The following CSMD1 variants were observed in gnomAD, a reference collection of about 807,000 sequenced individuals.
The protein encoded by CSMD1 is CUB and Sushi multiple domains 1, also known as CUB and sushi domain-containing protein 1.
A neutral mutation model predicts 417.5 loss-of-function variants in CSMD1; 213 were observed. That is an observed-to-expected ratio of 0.51 (90% CI 0.46 to 0.57). CSMD1 has a LOEUF of 0.57. CSMD1 is among the 20% of genes least tolerant of loss of function. The pLI is 0.00. For synonymous variants in CSMD1, 2,862 were observed against 1,736.8 expected, an observed-to-expected ratio of 1.65 and a Z score of -16.11; for missense variants, 6,923 against 4,529.7, an observed-to-expected ratio of 1.53 and a Z score of -15.17.
chr8:4,720,317 A>C (rs1025943466), intron 1 of CSMD1, among the ~76,000 whole-genome samples: 11 of 152,140 alleles, frequency 7.2e-5, no homozygotes, highest in Non-Finnish European at 1.3e-4. Context: ...TTCTTCTCAA[A>C]ATCTATTGCA....
intron 1 of CSMD1, among the ~76,000 whole-genome samples, chr8:4,977,945 T>G (rs767997037): frequency 6.6e-6 from 1 of 152,186 alleles, no homozygotes; most frequent in Non-Finnish European, 1.5e-5. Context: ...ACAAGCTATT[T>G]GTTGCTGAGG....
chr8:3,294,244 C>A (rs571386043), intron 25 of CSMD1, among the ~76,000 whole-genome samples: 7 of 151,520 alleles, frequency 4.6e-5, no homozygotes, highest in Admixed American at 1.3e-4. Flanking sequence ...CTGGGGGGTG[C>A]CTCCCAGTTA....
intron 1 of CSMD1, among the ~76,000 whole-genome samples, chr8:4,939,043 C>G (rs1322785826): frequency 3.3e-5 from 5 of 152,244 alleles, no homozygotes; most frequent in Admixed American, 1.3e-4. Flanking sequence ...TGTACATTAA[C>G]CCTGCATCAG....
intron 68 of CSMD1, among the ~76,000 whole-genome samples, chr8:2,947,311 T>C (rs777827313): frequency 6.6e-5 from 10 of 152,232 alleles, no homozygotes; most frequent in Non-Finnish European, 1.3e-4. Flanking sequence ...TTTTGGTTTA[T>C]CTACTGACTA....
intron 3 of CSMD1, among the ~76,000 whole-genome samples, chr8:4,178,360 G>A (rs1001432809): frequency 1.3e-5 from 2 of 150,534 alleles, no homozygotes; most frequent in African/African-American, 4.9e-5. Context: ...TGCAGAAAAG[G>A]CCTTTGACAA....
chr8:4,562,140 T>C (rs1313657294), intron 2 of CSMD1, among the ~76,000 whole-genome samples: 1 of 152,082 alleles, frequency 6.6e-6, no homozygotes, highest in African/African-American at 2.4e-5. Flanking sequence ...CAGGTATCGT[T>C]AATTAAGAGC....
At chr8:4,219,783 A>G (rs947076029) in intron 3 of CSMD1, among the ~76,000 whole-genome samples, 1 of 152,176 alleles carries the variant, frequency 6.6e-6, no homozygotes, top group Non-Finnish European at 1.5e-5. Context: ...ATGTCACCAG[A>G]TAGCCATTAT....
At chr8:4,095,805 G>C (rs1324556593) in intron 3 of CSMD1, among the ~76,000 whole-genome samples, 1 of 152,130 alleles carries the variant, frequency 6.6e-6, no homozygotes, top group African/African-American at 2.4e-5. Flanking sequence ...GTATTTGTAT[G>C]CATGTTTATT....
intron 2 of CSMD1, among the ~76,000 whole-genome samples, chr8:4,430,133 T>G (rs181589092): frequency 2.0e-5 from 3 of 152,310 alleles, no homozygotes; most frequent in Admixed American, 2.0e-4. Context: ...AATGTGCTGA[T>G]TCCACAAAGC....
Position 3,752,669 on chromosome 8 carries a change from C to A in CSMD1, c.931+1261G>T, listed in dbSNP as rs573924601. On this transcript the variant is annotated intron_variant, in intron 6 of 69. Transcript: ENST00000635120. ...ACTCTGTCCACTGCCACCCACTCCC[C>A]GCCTGGCAAAAAAAAAAAAAAAAAA... Among the ~76,000 whole-genome samples the A allele has an allele frequency of 5.7e-5, 7 of 122,456 alleles. No homozygotes were observed. In the South Asian group the frequency reaches 2.0e-3, roughly 35 times the overall value. 80.3% of individuals were successfully genotyped at this position (122,456 alleles called of 152,430 possible).
chr8:3,750,169 C>T (rs547133214), intron 6 of CSMD1, among the ~76,000 whole-genome samples: 3 of 152,154 alleles, frequency 2.0e-5, no homozygotes, highest in East Asian at 3.9e-4. Flanking sequence ...AATCTGCAAT[C>T]GTATCAATCC....
At chr8:4,590,232 G>A (rs1397707540) in intron 2 of CSMD1, among the ~76,000 whole-genome samples, 1 of 151,982 alleles carries the variant, frequency 6.6e-6, no homozygotes, top group East Asian at 1.9e-4. Context: ...TACAAGAGTA[G>A]TGTCTAGCGT....
intron 1 of CSMD1, among the ~76,000 whole-genome samples, chr8:4,948,716 T>G (rs1457141770): frequency 6.6e-6 from 1 of 152,126 alleles, no homozygotes; most frequent in South Asian, 2.1e-4. Flanking sequence ...GAATTTTCTA[T>G]GTAGGCATCT....
rs148917639 is a variant in CSMD1 at position 4,165,144 on chromosome 8, T to G, written c.416-133045A>C. Among the ~76,000 whole-genome samples, 1,134 of 152,274 alleles carry G rather than the reference T, an allele frequency of 7.4e-3. 14 individuals are homozygous for G. The highest frequency in any genetic ancestry group is 0.025 in the African/African-American group (1,059 of 41,550). On this transcript the variant is annotated intron_variant, in intron 3 of 69. Transcript: ENST00000635120. ...TGCATGCATGACAGGTATCTATATT[T>G]CAGCCTCCACTGCTTAATATGATAC...
At chr8:4,340,244 C>T (rs1478545866) in intron 3 of CSMD1, among the ~76,000 whole-genome samples, 6 of 152,028 alleles carry the variant, frequency 3.9e-5, no homozygotes, top group Non-Finnish European at 7.4e-5. Flanking sequence ...CTTTTCCTCT[C>T]ACTGAAGCCT....
chr8:3,751,299 AGTGT>A lies in CSMD1; in HGVS notation c.931+2627_931+2630del, dbSNP rs67753470. Among the ~76,000 whole-genome samples, 441 of 140,282 alleles carry A rather than the reference AGTGT, an allele frequency of 3.1e-3. 2 individuals are homozygous for A. The highest frequency in any genetic ancestry group is 0.023 in the East Asian group (112 of 4,796). The allele number at this position is 140,282 out of a possible 152,430, so 92.0% of individuals were successfully genotyped here. ...CCTCTCTCCTTATATATACAATTGA[AGTGT>A]GTGTGTGTGTGTGTGTGTGTGTGTA... is the stretch of plus-strand genomic sequence containing the variant. On this transcript the variant is annotated intron_variant, in intron 6 of 69. Coordinates refer to ENST00000635120, the MANE Select transcript of CSMD1 (RefSeq NM_033225.6).
At chr8:3,207,366 A>T (rs1278868710) in intron 30 of CSMD1, among the ~76,000 whole-genome samples, 1 of 150,532 alleles carries the variant, frequency 6.6e-6, no homozygotes, top group Non-Finnish European at 1.5e-5. Flanking sequence ...GCTGGTCTCG[A>T]ACTCCTGACC....
chr8:3,888,052 A>G (rs1381455903), intron 5 of CSMD1, among the ~76,000 whole-genome samples: 1 of 152,204 alleles, frequency 6.6e-6, no homozygotes, highest in Non-Finnish European at 1.5e-5. Flanking sequence ...AAGATATTGG[A>G]AAATACTGTA....
At chr8:4,592,402 T>A (rs950198003) in intron 2 of CSMD1, among the ~76,000 whole-genome samples, 1 of 152,074 alleles carries the variant, frequency 6.6e-6, no homozygotes, top group African/African-American at 2.4e-5. Flanking sequence ...CTTTGTTGTT[T>A]TTGAGGTGGA....
Sources: gnomAD v4.1 joint callset for allele counts (sites outside exome capture counted in the v4.1 genomes callset) on GRCh38, gnomAD v4.1.1 for gene constraint, MANE v1.5 for transcripts, NCBI Gene and HGNC (gene_info 2026-07-23, HGNC 2026-07-21) for gene names.